The following PARD3 variants were observed in gnomAD, a reference collection of about 807,000 sequenced individuals.
PARD3 encodes par-3 family cell polarity regulator, also known as partitioning defective 3 homolog.
A neutral mutation model predicts 155.4 loss-of-function variants in PARD3; 75 were observed. The observed-to-expected ratio is 0.48, with a 90% CI of 0.40 to 0.58. The LOEUF (loss-of-function observed/expected upper bound fraction) is 0.58, where lower values mean the gene tolerates loss of function less well. Ranked by LOEUF, PARD3 falls within the 20% of genes least tolerant of loss-of-function variation. PARD3 has a pLI of 0.00. For synonymous variants in PARD3, 576 were observed against 610.5 expected (o/e 0.94, Z 0.83); for missense variants, 1,642 against 1,721.7 (o/e 0.95, Z 0.82).
intron 16 of PARD3, 81 bp downstream of exon 16, chr10:34,341,546 C>G: frequency 3.9e-6 from 4 of 1,025,652 alleles, no homozygotes; most frequent in Middle Eastern, 3.3e-4. Context: ...AAATGATTAA[C>G]TGTATTTAGC....
At chr10:34,779,686 C>A (rs957200701) in intron 1 of PARD3, among the ~76,000 whole-genome samples, 14 of 152,212 alleles carry the variant, frequency 9.2e-5, no homozygotes, top group Admixed American at 8.5e-4. Context: ...TCAAGAAACC[C>A]TCTGAATTCA....
chr10:34,205,876 C>G (rs576182216), intron 22 of PARD3, among the ~76,000 whole-genome samples: 1 of 152,314 alleles, frequency 6.6e-6, no homozygotes, highest in African/African-American at 2.4e-5. Context: ...TACAGTCCCC[C>G]CATCCCCTGG....
chr10:34,524,116 A>T (rs1476955641), intron 2 of PARD3, among the ~76,000 whole-genome samples: 3 of 152,174 alleles, frequency 2.0e-5, no homozygotes, highest in East Asian at 3.9e-4. Flanking sequence ...GCTTTTGTAG[A>T]TTATCACAGT....
At chr10:34,637,642 G>A (rs2092528804) in intron 2 of PARD3, among the ~76,000 whole-genome samples, 2 of 152,206 alleles carry the variant, frequency 1.3e-5, no homozygotes, top group East Asian at 1.9e-4. Flanking sequence ...ACCCTTGCAG[G>A]CTGGTGTGCA....
chr10:34,303,162 A>AT (rs5784409), intron 20 of PARD3, among the ~76,000 whole-genome samples: 7,047 of 131,908 alleles, frequency 0.053, 260 homozygotes, highest in African/African-American at 0.1. Flanking sequence ...GCCCAGGTGA[A>AT]TTTTTTTTTT....
In PARD3 at chr10:34,814,935, T is replaced by A. The variant is rs368117919; in HGVS notation, c.61A>T (p.Met21Leu). ...RVVVPCGDGH[M>L]KVFSLIQQAV... ...TGCTGGATGAGGCTGAAAACTTTCA[T>A]GTGGCCGTCCCCGCACGGCACGACC... The change falls in exon 1 of 25, where the codon ATG (methionine) becomes TTG (leucine). Residue 21 changes from methionine to leucine, a missense_variant. Around this residue, in one of 3 missense-constraint regions of PARD3, gnomAD observed 75 missense variants for 65.3 expected, o/e 1.15. Coordinates refer to ENST00000374788, the MANE Select transcript of PARD3 (RefSeq NM_001184785.2). The A allele has an allele frequency of 6.4e-7, 1 of 1,566,416 alleles. No homozygotes were observed. The highest frequency in any genetic ancestry group is 2.5e-5 in the East Asian group (1 of 39,958).
intron 22 of PARD3, among the ~76,000 whole-genome samples, chr10:34,198,137 A>G (rs989979442): frequency 6.6e-6 from 1 of 152,244 alleles, no homozygotes; most frequent in African/African-American, 2.4e-5. Context: ...TTCAGAAATT[A>G]AAGTTGTAAA....
intron 1 of PARD3, among the ~76,000 whole-genome samples, chr10:34,765,605 G>C (rs536909014): frequency 6.6e-6 from 1 of 151,754 alleles, no homozygotes; most frequent in East Asian, 1.9e-4. Flanking sequence ...TTGAACCTAG[G>C]AGGCAGAAAT....
At chr10:34,799,111 G>A (rs942662140) in intron 1 of PARD3, among the ~76,000 whole-genome samples, 8 of 152,116 alleles carry the variant, frequency 5.3e-5, no homozygotes, top group African/African-American at 1.2e-4. Context: ...GCGCAATCTC[G>A]GCTCACTGCA....
At chr10:34,573,201 C>A (rs984202909) in intron 2 of PARD3, among the ~76,000 whole-genome samples, 7 of 150,122 alleles carry the variant, frequency 4.7e-5, no homozygotes, top group Non-Finnish European at 7.4e-5. Context: ...CAAAAAAGTT[C>A]AAAAATTAGC....
At chr10:34,449,714 C>A (rs2076957218) in intron 5 of PARD3, among the ~76,000 whole-genome samples, 1 of 152,114 alleles carries the variant, frequency 6.6e-6, no homozygotes, top group Non-Finnish European at 1.5e-5. Context: ...CTTCCCAAGG[C>A]AGAAAACAAT....
intron 7 of PARD3, among the ~76,000 whole-genome samples, chr10:34,386,813 C>T (rs1434903514): frequency 5.6e-5 from 8 of 142,438 alleles, no homozygotes; most frequent in East Asian, 2.0e-4. Flanking sequence ...CGCAAAACTC[C>T]GTCCAAAAAA....
intron 1 of PARD3, among the ~76,000 whole-genome samples, chr10:34,804,670 T>G (rs1322715136): frequency 6.6e-6 from 1 of 152,232 alleles, no homozygotes; most frequent in Non-Finnish European, 1.5e-5. Flanking sequence ...CTGGAAGAGT[T>G]TTCTTTTTTC....
intron 4 of PARD3, among the ~76,000 whole-genome samples, chr10:34,454,319 G>C (rs192248276): frequency 2.6e-5 from 4 of 151,610 alleles, no homozygotes; most frequent in African/African-American, 9.7e-5. Flanking sequence ...CATAAACATC[G>C]CAGCATACAA....
At chr10:34,748,651 C>T (rs573930741) in intron 1 of PARD3, among the ~76,000 whole-genome samples, 3 of 151,984 alleles carry the variant, frequency 2.0e-5, no homozygotes, top group East Asian at 1.9e-4. Context: ...AGCATCCCCC[C>T]CTGCTCCCAC....
In PARD3 at chr10:34,235,990, G is replaced by A. The variant is rs1482591310; in HGVS notation, c.3419+33667C>T. Among the ~76,000 whole-genome samples, 3 of 151,928 alleles carry A rather than the reference G, an allele frequency of 2.0e-5. No homozygotes were observed. In the East Asian group the frequency reaches 5.8e-4, roughly 29 times the overall value. On this transcript the variant is annotated intron_variant, in intron 22 of 24. Transcript: ENST00000374788. The stretch of plus-strand genomic sequence containing the variant: ...CGAGAAAACTCTGCACAACTAAAAG[G>A]GTGTCACTAGGACAATGTCATCTTC...
At position 34,673,996 on chromosome 10, in the gene PARD3, AAC is replaced by A. The variant is rs1178887278; in HGVS notation, c.222+22320_222+22321del. Among the ~76,000 whole-genome samples, 25 of 150,988 alleles carry A rather than the reference AAC, an allele frequency of 1.7e-4. 3 individuals are homozygous for A. Among genetic ancestry groups the A allele is most frequent in the African/African-American group, 2.2e-4 (9 of 41,210 alleles). On this transcript the variant is annotated intron_variant, in intron 2 of 24. Transcript: ENST00000374788. ...CGAGAGTCTGCATCAAAAAAAAAAA[AAC>A]AAACAAACAGGAGGAGAGTTCTAAT...
chr10:34,739,673 A>G (rs1037564057), intron 1 of PARD3, among the ~76,000 whole-genome samples: 6 of 152,138 alleles, frequency 3.9e-5, no homozygotes, highest in Admixed American at 2.0e-4. Flanking sequence ...GTGCTTTGGA[A>G]TGTTCTAGAA....
intron 23 of PARD3, among the ~76,000 whole-genome samples, chr10:34,127,137 T>C (rs956031277): frequency 1.3e-5 from 2 of 152,184 alleles, no homozygotes; most frequent in African/African-American, 4.8e-5. Flanking sequence ...TAAAATCTTA[T>C]AAAGAAACCA....
Sources: allele counts gnomAD v4.1 joint callset (sites outside exome capture counted in the v4.1 genomes callset), GRCh38; gene constraint gnomAD v4.1.1; regional missense constraint gnomAD v4.1.1; transcripts MANE v1.5; gene names NCBI Gene and HGNC (gene_info 2026-07-23, HGNC 2026-07-21).